BABAM2: variants seen among roughly 807,000 people sequenced by gnomAD.
The protein encoded by BABAM2 is BRISC and BRCA1-A complex member 2.
Under a neutral mutation model 54.7 loss-of-function variants are expected in BABAM2, and 31 were observed. The ratio of observed to expected loss-of-function variants is 0.57; its 90% CI spans 0.43 to 0.77. BABAM2 has a LOEUF of 0.77. Ranked by LOEUF, BABAM2 falls within the 30% of genes least tolerant of loss-of-function variation. The probability of loss-of-function intolerance (pLI) is 0.00; values close to 1 mark genes in which losing one functional copy is unlikely to be tolerated. For missense variants in BABAM2, 364 were observed against 455.8 expected (o/e 0.80, Z 1.83); for synonymous variants, 167 against 162.9 (o/e 1.03, Z -0.19).
intron 7 of BABAM2, among the ~76,000 whole-genome samples, chr2:28,151,925 C>T (rs1035816735): frequency 1.3e-5 from 2 of 152,180 alleles, no homozygotes; most frequent in African/African-American, 2.4e-5. Flanking sequence ...GCACTGACAC[C>T]TCACCAGAGA....
At chr2:27,956,524 C>A (rs1670102669) in intron 3 of BABAM2, among the ~76,000 whole-genome samples, 1 of 152,108 alleles carries the variant, frequency 6.6e-6, no homozygotes, top group African/African-American at 2.4e-5. Context: ...TTGCCGATGA[C>A]CCACACAGTA....
At chr2:28,168,245 A>G (rs1405449816) in intron 7 of BABAM2, among the ~76,000 whole-genome samples, 1 of 152,244 alleles carries the variant, frequency 6.6e-6, no homozygotes, top group Non-Finnish European at 1.5e-5. Flanking sequence ...TGTCGAATGC[A>G]TAAAATATAT....
At chr2:28,283,340 C>T (rs1283025536) in intron 10 of BABAM2, among the ~76,000 whole-genome samples, 3 of 152,204 alleles carry the variant, frequency 2.0e-5, no homozygotes, top group Non-Finnish European at 4.4e-5. Context: ...CAAGTATATC[C>T]TCTGTTATGA....
intron 7 of BABAM2, chr2:28,233,020 A>C (rs1223730863): frequency 3.2e-6 from 1 of 311,042 alleles, no homozygotes; most frequent in Non-Finnish European, 6.7e-6. Context: ...CTTCTAATTT[A>C]TATCCACAGA....
intron 7 of BABAM2, among the ~76,000 whole-genome samples, chr2:28,164,875 C>T (rs1278052562): frequency 1.3e-5 from 2 of 152,238 alleles, no homozygotes; most frequent in East Asian, 1.9e-4. Flanking sequence ...CAGATTTTCC[C>T]GTATGCTTCA....
Position 28,032,172 on chromosome 2 carries a change from G to A in BABAM2, c.495+6752G>A, listed in dbSNP as rs947324983. On this transcript the variant is annotated intron_variant, in intron 5 of 11. Coordinates refer to ENST00000379624, the MANE Select transcript of BABAM2 (RefSeq NM_199191.3). ...TATTTAATCCCTTTGCATTATGCAGGTCTGTATCTGTTAGAGAGGATGGTC... is the reference window on the plus strand; with the variant it reads ...TATTTAATCCCTTTGCATTATGCAGATCTGTATCTGTTAGAGAGGATGGTC... Among the ~76,000 whole-genome samples, 39 of 152,104 alleles carry A rather than the reference G, an allele frequency of 2.6e-4. 1 individual carries two copies. The highest frequency in any genetic ancestry group is 2.9e-5 in the Non-Finnish European group (2 of 68,006).
Position 28,119,708 on chromosome 2 carries a change from A to G in BABAM2, c.571-9563A>G, listed in dbSNP as rs898860843. On this transcript the variant is annotated intron_variant, in intron 6 of 11. Transcript: ENST00000379624. ...AGCAGTCAAATCATCTTTGTTTATG[A>G]AAATAATAAGCAAGATAGAATTAAA... 3.3e-5 allele frequency among the ~76,000 whole-genome samples: 5 copies of G among 152,208 alleles called. No individual in the cohort carries two copies. The East Asian group carries it at 9.6e-4, about 29-fold the overall frequency.
intron 10 of BABAM2, among the ~76,000 whole-genome samples, chr2:28,274,947 A>G (rs1685740871): frequency 6.6e-6 from 1 of 152,232 alleles, no homozygotes; most frequent in East Asian, 1.9e-4. Context: ...AGCATGCTCC[A>G]GTAGCTCCAC....
chr2:28,326,209 G>A (rs1398918036), intron 11 of BABAM2, among the ~76,000 whole-genome samples: 1 of 152,156 alleles, frequency 6.6e-6, no homozygotes, highest in Non-Finnish European at 1.5e-5. Flanking sequence ...TCCGACAGGC[G>A]GCCCACTTTT....
intron 4 of BABAM2, among the ~76,000 whole-genome samples, chr2:27,994,086 C>T (rs975650556): frequency 2.6e-5 from 4 of 152,150 alleles, no homozygotes; most frequent in Non-Finnish European, 5.9e-5. Context: ...TTTGGTGCCT[C>T]ATTTGAGACC....
chr2:28,170,986 C>T (rs2147849358), intron 7 of BABAM2, among the ~76,000 whole-genome samples: 1 of 152,284 alleles, frequency 6.6e-6, no homozygotes, highest in South Asian at 2.1e-4. Flanking sequence ...TTCCAGTTCC[C>T]CTTCACAGAG....
intron 3 of BABAM2, among the ~76,000 whole-genome samples, chr2:27,960,861 C>T (rs1404812941): frequency 6.6e-6 from 1 of 152,150 alleles, no homozygotes; most frequent in Non-Finnish European, 1.5e-5. Context: ...CAATAATAAC[C>T]TGCTTCTCAG....
intron 10 of BABAM2, among the ~76,000 whole-genome samples, chr2:28,281,214 A>G (rs1292268251): frequency 6.6e-6 from 1 of 152,178 alleles, no homozygotes; most frequent in Non-Finnish European, 1.5e-5. Flanking sequence ...ATTTTTATCC[A>G]GGAGACCTGG....
In BABAM2 at chr2:28,129,349, C is replaced by T; in HGVS notation, c.649C>T (p.Pro217Ser). 3 of 1,614,072 alleles carry T rather than the reference C, an allele frequency of 1.9e-6. No homozygotes were observed. The highest frequency in any genetic ancestry group is 1.1e-5 in the South Asian group (1 of 91,078). Reference sequence around the variant, plus strand: ...GGACACTGAAGCCACCCAGGTGTACCCCAAGCTGTACTTGTCACCTCGAAT... The same window carrying T: ...GGACACTGAAGCCACCCAGGTGTACTCCAAGCTGTACTTGTCACCTCGAAT... ...FEDTEATQVY[P>S]KLYLSPRIEH... The change falls in exon 7 of 12, where the codon CCC becomes TCC. Residue 217 changes from proline to serine, a missense_variant. Physicochemically the swap from Pro to Ser is moderately conservative, Grantham distance 74 (BLOSUM62 -1). Transcript: ENST00000379624.
At chr2:28,196,576 T>C (rs1677577181) in intron 7 of BABAM2, among the ~76,000 whole-genome samples, 1 of 151,134 alleles carries the variant, frequency 6.6e-6, no homozygotes, top group African/African-American at 2.4e-5. Flanking sequence ...ATATGATGGC[T>C]CAATGCCTGT....
chr2:28,096,014 A>T (rs1321369158), intron 6 of BABAM2, among the ~76,000 whole-genome samples: 1 of 152,176 alleles, frequency 6.6e-6, no homozygotes, highest in Non-Finnish European at 1.5e-5. Flanking sequence ...TTGAATTTGG[A>T]TTCAAATCTG....
intron 7 of BABAM2, among the ~76,000 whole-genome samples, chr2:28,180,961 G>C (rs1246904223): frequency 6.6e-6 from 1 of 152,086 alleles, no homozygotes. Context: ...AAAAACAACA[G>C]ATGTCTAGTG....
rs542873612 is a variant in BABAM2, at chr2:28,284,109, T to C, written c.935-14229T>C. 8.7e-4 allele frequency among the ~76,000 whole-genome samples: 132 copies of C among 152,358 alleles called. 2 individuals carry two copies. The South Asian group carries it at 0.015, about 17-fold the overall frequency. On this transcript the variant is annotated intron_variant, in intron 10 of 11. Coordinates refer to ENST00000379624, the MANE Select transcript of BABAM2 (RefSeq NM_199191.3). ...GATCACCTTATGTTTGCACAGTTTA[T>C]TCTCTTTGAGTTAGTTAAATTTCAG...
chr2:28,173,218 T>TG (rs1674549564), intron 7 of BABAM2, among the ~76,000 whole-genome samples: 1 of 152,236 alleles, frequency 6.6e-6, no homozygotes, highest in Admixed American at 6.5e-5. Context: ...GAGTTAGCCT[T>TG]GTGGGGGTTG....
Sources: gnomAD v4.1 joint callset for allele counts (sites outside exome capture counted in the v4.1 genomes callset) on GRCh38, gnomAD v4.1.1 for gene constraint, MANE v1.5 for transcripts, NCBI Gene and HGNC (gene_info 2026-07-23, HGNC 2026-07-21) for gene names.